The following PPP1R13B variants were observed in gnomAD, a reference collection of about 807,000 sequenced individuals.
PPP1R13B encodes apoptosis-stimulating of p53 protein 1.
A neutral mutation model predicts 119.8 loss-of-function variants in PPP1R13B; 44 were observed. That is an observed-to-expected ratio of 0.37 (90% CI 0.29 to 0.47). The LOEUF (loss-of-function observed/expected upper bound fraction) is 0.47, where lower values mean the gene tolerates loss of function less well. Among genes scored for constraint, PPP1R13B ranks in the 20% least tolerant of loss-of-function variants. The pLI is 0.99. For synonymous variants in PPP1R13B, 542 were observed against 561.5 expected (o/e 0.97, Z 0.49); for missense variants, 1,227 against 1,413.5 (o/e 0.87, Z 2.12).
Position 103,790,402 on chromosome 14 carries a change from A to G in PPP1R13B, c.158-5488T>C, listed in dbSNP as rs926450079. The stretch of plus-strand genomic sequence containing the variant: ...TTCATATGTTGAAACTGAATCCCCA[A>G]TGTGGTAATATTAGGAGGTGGGGTC... On this transcript the variant is annotated intron_variant, in intron 2 of 16. Coordinates refer to ENST00000202556, the MANE Select transcript of PPP1R13B (RefSeq NM_015316.3). 6.6e-5 allele frequency among the ~76,000 whole-genome samples: 10 copies of G among 152,138 alleles called. No individual in the cohort carries two copies. The South Asian group carries it at 1.0e-3, about 16-fold the overall frequency.
chr14:103,788,606 T>G (rs1364056713), intron 2 of PPP1R13B, among the ~76,000 whole-genome samples: 1 of 151,976 alleles, frequency 6.6e-6, no homozygotes, highest in Non-Finnish European at 1.5e-5. Flanking sequence ...GAAGGATCCC[T>G]TTAGCCCAGG....
chr14:103,835,445 T>TA (rs1372756969), intron 1 of PPP1R13B, among the ~76,000 whole-genome samples: 1 of 146,904 alleles, frequency 6.8e-6, no homozygotes, highest in South Asian at 2.2e-4. Context: ...TTTTTTTTTT[T>TA]AAAGAGACCA....
chr14:103,813,282 T>C (rs1015198702), intron 1 of PPP1R13B, among the ~76,000 whole-genome samples: 1 of 151,612 alleles, frequency 6.6e-6, no homozygotes, highest in Non-Finnish European at 1.5e-5. Flanking sequence ...TACTTTCACG[T>C]CCCCACCGTA....
In PPP1R13B at chr14:103,797,442, C is replaced by G; in HGVS notation, c.86G>C (p.Arg29Pro). ...EVPITPETTCRDVVEFCKEPG... is the reference protein window; with the variant it reads ...EVPITPETTCPDVVEFCKEPG... ...TTCCTTGCAAAATTCTACAACATCT[C>G]GACAGGTTGTTTCCGGTGTTATAGG... The change falls in exon 2 of 17, where the codon CGA (arginine) becomes CCA (proline). Residue 29 changes from arginine to proline, a missense_variant. By Grantham distance (103) the Arg-to-Pro change is moderately radical. Coordinates refer to ENST00000202556, the MANE Select transcript of PPP1R13B (RefSeq NM_015316.3). 6.2e-7 allele frequency: 1 copy of G among 1,613,994 alleles called. No individual in the cohort carries two copies. Among genetic ancestry groups the G allele is most frequent in the Non-Finnish European group, 8.5e-7 (1 of 1,179,936 alleles).
chr14:103,750,881 C>T (rs1475921615), intron 7 of PPP1R13B, among the ~76,000 whole-genome samples: 1 of 150,822 alleles, frequency 6.6e-6, no homozygotes, highest in African/African-American at 2.4e-5. Context: ...GCAGGCTGGG[C>T]GCAGTGGCTC....
intron 4 of PPP1R13B, among the ~76,000 whole-genome samples, chr14:103,773,045 C>T (rs2085107640): frequency 1.3e-5 from 2 of 152,094 alleles, no homozygotes; most frequent in African/African-American, 4.8e-5. Context: ...CATCTGAATC[C>T]TTTATCAGGT....
intron 9 of PPP1R13B, among the ~76,000 whole-genome samples, chr14:103,746,125 T>C (rs2084379082): frequency 2.6e-5 from 4 of 152,188 alleles, no homozygotes; most frequent in Admixed American, 2.6e-4. Context: ...GAGTTTTAAT[T>C]AATCATTTGT....
chr14:103,773,066 C>T (rs1196783720), intron 4 of PPP1R13B, among the ~76,000 whole-genome samples: 1 of 152,052 alleles, frequency 6.6e-6, no homozygotes, highest in Admixed American at 6.5e-5. Flanking sequence ...ACATGATTTG[C>T]TAGTATTTTT....
In PPP1R13B at chr14:103,755,023, C is replaced by A. The variant is rs942073858; in HGVS notation, c.457-779G>T. Among the ~76,000 whole-genome samples, 13 of 152,144 alleles carry A rather than the reference C, an allele frequency of 8.5e-5. 1 individual carries two copies. The highest frequency in any genetic ancestry group is 2.7e-4 in the African/African-American group (11 of 41,428). ...GGTCTCGATCTCCTGACCTCGTGAT[C>A]CACCCGCCTCGGCCTCCCAAAGTGC... On this transcript the variant is annotated intron_variant, in intron 5 of 16. Coordinates refer to ENST00000202556, the MANE Select transcript of PPP1R13B (RefSeq NM_015316.3).
At chr14:103,758,429 A>T (rs1030653537) in intron 4 of PPP1R13B, among the ~76,000 whole-genome samples, 1 of 152,220 alleles carries the variant, frequency 6.6e-6, no homozygotes, top group African/African-American at 2.4e-5. Flanking sequence ...TTTACAGATA[A>T]GAAAACAAGC....
intron 1 of PPP1R13B, among the ~76,000 whole-genome samples, chr14:103,806,421 G>A (rs12879697): frequency 0.013 from 1,951 of 152,232 alleles, 22 homozygotes; most frequent in Middle Eastern, 0.027. Flanking sequence ...CTAAATTTTA[G>A]TAACTTGCAA....
chr14:103,780,407 A>G (rs1250682367), intron 3 of PPP1R13B, among the ~76,000 whole-genome samples: 1 of 139,410 alleles, frequency 7.2e-6, no homozygotes, highest in African/African-American at 2.7e-5. Flanking sequence ...GGATCACTTG[A>G]GCCCAGGAGG....
intron 4 of PPP1R13B, 72 bp downstream of exon 4, chr14:103,778,673 T>G: frequency 2.3e-5 from 30 of 1,277,992 alleles, no homozygotes; most frequent in Non-Finnish European, 3.1e-5. Context: ...CCCAAAGTGC[T>G]GAGATTACAG....
At chr14:103,807,836 T>G (rs2086054653) in intron 1 of PPP1R13B, among the ~76,000 whole-genome samples, 1 of 152,086 alleles carries the variant, frequency 6.6e-6, no homozygotes, top group Non-Finnish European at 1.5e-5. Context: ...TCATGACAGG[T>G]AGGTGTTTGC....
chr14:103,736,083 G>C lies in PPP1R13B; in HGVS notation c.3151C>G (p.Arg1051Gly). ...HEGDALTILRRKDESETEWWW... is the reference protein window; with the variant it reads ...HEGDALTILRGKDESETEWWW... ...CACTCAGTCTCGCTTTCGTCCTTGC[G>C]CCTCAGGATGGTGAGGGCGTCCCCT... is the stretch of plus-strand genomic sequence containing the variant. Residue 1051 changes from arginine to glycine, a missense_variant, in exon 16 of 17, where the codon CGC (arginine) becomes GGC (glycine). Arg to Gly is a moderately radical substitution (Grantham distance 125). Transcript: ENST00000202556. The C allele has an allele frequency of 6.2e-7, 1 of 1,614,216 alleles. No individual in the cohort carries two copies. The highest frequency in any genetic ancestry group is 8.5e-7 in the Non-Finnish European group (1 of 1,180,026).
chr14:103,802,276 T>C (rs1595794232), intron 1 of PPP1R13B, among the ~76,000 whole-genome samples: 1 of 152,120 alleles, frequency 6.6e-6, no homozygotes, highest in Non-Finnish European at 1.5e-5. Context: ...ACCACTGCAG[T>C]CAGGCCTGGG....
intron 1 of PPP1R13B, among the ~76,000 whole-genome samples, chr14:103,802,981 T>C (rs1181998440): frequency 1.3e-5 from 2 of 152,194 alleles, no homozygotes; most frequent in African/African-American, 4.8e-5. Context: ...CATGGCAGAC[T>C]TTAAAGCTTT....
At chr14:103,756,561 G>A (rs933375840) in intron 5 of PPP1R13B, among the ~76,000 whole-genome samples, 1 of 152,122 alleles carries the variant, frequency 6.6e-6, no homozygotes, top group Non-Finnish European at 1.5e-5. Context: ...ACTCCGCACT[G>A]TAATAAACCA....
intron 3 of PPP1R13B, among the ~76,000 whole-genome samples, chr14:103,780,424 T>G (rs563918099): frequency 2.9e-4 from 40 of 135,690 alleles, no homozygotes; most frequent in Admixed American, 6.6e-4. Context: ...GAGGCAGAGG[T>G]TGCAGTGAGC....
Sources: gnomAD v4.1 joint callset for allele counts (sites outside exome capture counted in the v4.1 genomes callset) on GRCh38, gnomAD v4.1.1 for gene constraint, MANE v1.5 for transcripts, NCBI Gene and HGNC (gene_info 2026-07-23, HGNC 2026-07-21) for gene names.